The following CNNM4 variants were observed in gnomAD, a reference collection of about 807,000 sequenced individuals.
CNNM4 encodes cyclin and CBS domain divalent metal cation transport mediator 4.
A neutral mutation model predicts 53.7 loss-of-function variants in CNNM4; 32 were observed. The ratio of observed to expected loss-of-function variants is 0.60; its 90% CI spans 0.45 to 0.80. CNNM4 has a LOEUF of 0.80. Among genes scored for constraint, CNNM4 ranks in the 30% least tolerant of loss-of-function variants. The pLI, the probability that CNNM4 is intolerant of heterozygous loss-of-function variation, is 0.00. For missense variants in CNNM4, 784 were observed against 1,022.0 expected, an observed-to-expected ratio of 0.77 and a Z score of 3.17; for synonymous variants, 410 against 440.0, an observed-to-expected ratio of 0.93 and a Z score of 0.85.
chr2:96,800,605 C>G lies in CNNM4; in HGVS notation c.1948+957C>G, dbSNP rs759774199. On this transcript the variant is annotated intron_variant, in intron 5 of 6. Coordinates refer to ENST00000377075, the MANE Select transcript of CNNM4 (RefSeq NM_020184.4). The surrounding 1 kb of genome is among the most constrained non-coding windows in gnomAD (Gnocchi z 4.6). ...CCCTGGGCAGGGGACAGACAGGGCCCCAGAGCGGGGCTCTGAGCAGGTTAA... is the reference window on the plus strand; with the variant it reads ...CCCTGGGCAGGGGACAGACAGGGCCGCAGAGCGGGGCTCTGAGCAGGTTAA... 3.9e-5 allele frequency among the ~76,000 whole-genome samples: 6 copies of G among 152,230 alleles called. No homozygotes were observed. Among genetic ancestry groups the G allele is most frequent in the Non-Finnish European group, 4.4e-5 (3 of 68,030 alleles).
At chr2:96,768,276 C>T (rs1250351519) in intron 1 of CNNM4, among the ~76,000 whole-genome samples, 1 of 152,206 alleles carries the variant, frequency 6.6e-6, no homozygotes, top group Admixed American at 6.6e-5. Context: ...CCATCCGCAC[C>T]TGCTTATTCA....
intron 1 of CNNM4, among the ~76,000 whole-genome samples, chr2:96,777,187 A>G (rs2078932661): frequency 1.4e-5 from 2 of 146,614 alleles, no homozygotes; most frequent in South Asian, 2.2e-4. Context: ...CACCCAGCTA[A>G]TGTTTGTATT....
At chr2:96,786,962 C>G (rs1381105834) in intron 1 of CNNM4, among the ~76,000 whole-genome samples, 4 of 152,000 alleles carry the variant, frequency 2.6e-5, no homozygotes, top group Non-Finnish European at 5.9e-5. Context: ...ATGCATTAAG[C>G]AAAAGTGAAG....
In CNNM4 at chr2:96,809,564, T is replaced by C; in HGVS notation, c.*47T>C. ...GCCCACCCTGCGGGGGCCTCCCCAG[T>C]GGGCCCACATGAAGAGAGGGAACCT... On this transcript the variant is annotated 3_prime_UTR_variant, in exon 7 of 7. Coordinates refer to ENST00000377075, the MANE Select transcript of CNNM4 (RefSeq NM_020184.4). 1 of 1,527,038 alleles carries C rather than the reference T, an allele frequency of 6.5e-7. No individual in the cohort carries two copies. The highest frequency in any genetic ancestry group is 9.1e-7 in the Non-Finnish European group (1 of 1,102,238). 94.6% of individuals were successfully genotyped at this position (1,527,038 alleles called of 1,614,324 possible).
At chr2:96,796,011 C>T (rs2079100027) in intron 1 of CNNM4, among the ~76,000 whole-genome samples, 1 of 151,760 alleles carries the variant, frequency 6.6e-6, no homozygotes, top group Non-Finnish European at 1.5e-5. Flanking sequence ...TGGCCCCTCT[C>T]TAATTGTAGT....
chr2:96,761,132 A>G lies in CNNM4; in HGVS notation c.133A>G (p.Thr45Ala). Residue 45 changes from threonine (T) to alanine (A), a missense_variant, in exon 1 of 7, where the codon ACG (threonine) becomes GCG (alanine). By Grantham distance (58) the Thr-to-Ala change is moderately conservative. Around this residue, in one of 3 missense-constraint regions of CNNM4, gnomAD observed 473 missense variants for 624.6 expected, o/e 0.76. Transcript: ENST00000377075. The surrounding 1 kb of genome is among the most constrained non-coding windows in gnomAD (Gnocchi z 6.0). Reference sequence around the variant, plus strand: ...GGGCCAGGGCAGCCCCCAGCAGGGCACGATCGTGGGCATGAGGCTGGCGAG... The same window carrying G: ...GGGCCAGGGCAGCCCCCAGCAGGGCGCGATCGTGGGCATGAGGCTGGCGAG... ...ARGQGSPQQG[T>A]IVGMRLASCN... 1 of 1,595,194 alleles carries G rather than the reference A, an allele frequency of 6.3e-7. No individual in the cohort carries two copies.
intron 1 of CNNM4, among the ~76,000 whole-genome samples, chr2:96,782,546 A>T (rs2078983952): frequency 6.6e-6 from 1 of 152,016 alleles, no homozygotes; most frequent in Non-Finnish European, 1.5e-5. Flanking sequence ...TAATTGTTTG[A>T]TAGTGAGCAA....
At chr2:96,762,431 A>AT (rs748012759) in intron 1 of CNNM4, 30 bp downstream of exon 1, 1 of 1,600,780 alleles carries the variant, frequency 6.2e-7, no homozygotes, top group Admixed American at 1.7e-5. Context: ...CCCTGGTTCA[A>AT]TTTCCTCTTG....
At position 96,786,374 on chromosome 2, in the gene CNNM4, A is replaced by G. The variant is rs549798465; in HGVS notation, c.1403-10638A>G. On this transcript the variant is annotated intron_variant, in intron 1 of 6. Transcript: ENST00000377075. Reference sequence around the variant, plus strand: ...GGCTGCAGTGAGCCAAGATCGTGCTATTGCACTCCAGCCTGGGTGGCAGAG... The same window carrying G: ...GGCTGCAGTGAGCCAAGATCGTGCTGTTGCACTCCAGCCTGGGTGGCAGAG... 2.7e-3 allele frequency among the ~76,000 whole-genome samples: 416 copies of G among 151,488 alleles called. 2 individuals are homozygous for G. The highest frequency in any genetic ancestry group is 6.8e-3 in the Middle Eastern group (2 of 292).
At position 96,797,026 on chromosome 2, in the gene CNNM4, G is replaced by A; in HGVS notation, c.1417G>A (p.Ala473Thr). Reference sequence around the variant, plus strand: ...TTGTCCCACAGGGAAGTCCCACCTGGCCATCGTGCAGAAGGTAAACAACGA... The same window carrying A: ...TTGTCCCACAGGGAAGTCCCACCTGACCATCGTGCAGAAGGTAAACAACGA... ...EEFKKGKSHLAIVQKVNNEGE... is the reference protein window; with the variant it reads ...EEFKKGKSHLTIVQKVNNEGE... The change falls in exon 2 of 7, where the codon GCC becomes ACC. Residue 473 changes from alanine (A) to threonine (T), a missense_variant. Coordinates refer to ENST00000377075, the MANE Select transcript of CNNM4 (RefSeq NM_020184.4). This position sits in a 1 kb window ranked among gnomAD's most constrained non-coding sequence, Gnocchi z 6.0. The A allele has an allele frequency of 6.2e-7, 1 of 1,613,260 alleles. No homozygotes were observed.
At chr2:96,778,556 C>CAAAAAAA (rs757948178) in intron 1 of CNNM4, among the ~76,000 whole-genome samples, 4 of 90,984 alleles carry the variant, frequency 4.4e-5, no homozygotes, top group Non-Finnish European at 9.7e-5. Context: ...GACTCTGTCT[C>CAAAAAAA]AAAAAAAAAA....
intron 5 of CNNM4, among the ~76,000 whole-genome samples, chr2:96,806,228 T>C (rs1278864825): frequency 6.6e-6 from 1 of 152,166 alleles, no homozygotes; most frequent in Admixed American, 6.5e-5. Context: ...TTTAGGAACA[T>C]GAAATTACTA....
chr2:96,768,101 C>T (rs2078834624), intron 1 of CNNM4, among the ~76,000 whole-genome samples: 1 of 152,282 alleles, frequency 6.6e-6, no homozygotes, highest in Non-Finnish European at 1.5e-5. Context: ...AACAACAAAA[C>T]ACCCATATTT....
At chr2:96,799,775 GTGA>G in intron 5 of CNNM4, 127 bp downstream of exon 5, 1 of 858,182 alleles carries the variant, frequency 1.2e-6, no homozygotes, top group Non-Finnish European at 1.9e-6. Context: ...AGGGAGGCTG[GTGA>G]GGCGGGAGCC....
At chr2:96,770,395 A>T (rs565490222) in intron 1 of CNNM4, among the ~76,000 whole-genome samples, 40 of 152,184 alleles carry the variant, frequency 2.6e-4, no homozygotes, top group Non-Finnish European at 5.0e-4. Flanking sequence ...CAGGATCAGC[A>T]GGGGGCCCTT....
chr2:96,771,294 T>C (rs145302146), intron 1 of CNNM4, among the ~76,000 whole-genome samples: 1 of 136,310 alleles, frequency 7.3e-6, no homozygotes, highest in Non-Finnish European at 1.5e-5. Context: ...GATGATTTTC[T>C]TTTTTTTTTT....
intron 1 of CNNM4, among the ~76,000 whole-genome samples, chr2:96,787,202 A>G (rs1341751760): frequency 6.6e-6 from 1 of 152,216 alleles, no homozygotes; most frequent in African/African-American, 2.4e-5. Context: ...GCAGAGTCCA[A>G]GGTCTTGCAT....
chr2:96,789,337 A>T (rs1382407475), intron 1 of CNNM4, among the ~76,000 whole-genome samples: 2 of 152,156 alleles, frequency 1.3e-5, no homozygotes, highest in Non-Finnish European at 2.9e-5. Context: ...GAGCAGGAGG[A>T]GCTGTGAGGG....
At chr2:96,784,326 T>C (rs1366634191) in intron 1 of CNNM4, among the ~76,000 whole-genome samples, 2 of 152,208 alleles carry the variant, frequency 1.3e-5, no homozygotes, top group Admixed American at 6.5e-5. Flanking sequence ...CTAAATATTT[T>C]CAGGTAAAAT....
Sources: gnomAD v4.1 joint callset for allele counts (sites outside exome capture counted in the v4.1 genomes callset) on GRCh38, gnomAD v4.1.1 for gene constraint, gnomAD v4.1.1 regional missense constraint, Gnocchi (gnomAD v3.1) non-coding constraint, MANE v1.5 for transcripts, NCBI Gene and HGNC (gene_info 2026-07-23, HGNC 2026-07-21) for gene names.